PCDH7: variants seen among roughly 807,000 people sequenced by gnomAD.
The protein encoded by PCDH7 is protocadherin 7, also known as protocadherin-7.
In PCDH7, 17 loss-of-function variants were observed where a neutral mutation model predicts 58.9. That is an observed-to-expected ratio of 0.29 (90% confidence interval 0.20 to 0.43). The LOEUF is 0.43. Ranked by LOEUF, PCDH7 falls within the 20% of genes least tolerant of loss-of-function variation. The pLI is 1.00. For missense variants in PCDH7, 1,274 were observed against 1,441.0 expected, an observed-to-expected ratio of 0.88 and a Z score of 1.88; for synonymous variants, 664 against 616.4, an observed-to-expected ratio of 1.08 and a Z score of -1.14.
intron 1 of PCDH7, among the ~76,000 whole-genome samples, chr4:30,834,807 A>C (rs1447371): frequency 1.3e-5 from 2 of 151,694 alleles, no homozygotes; most frequent in Admixed American, 1.3e-4. Context: ...TTATACAGCA[A>C]AATTTTCTGG....
intron 1 of PCDH7, among the ~76,000 whole-genome samples, chr4:30,835,849 G>C (rs1295351778): frequency 6.6e-6 from 1 of 152,100 alleles, no homozygotes; most frequent in East Asian, 1.9e-4. Context: ...GAGGAGGGAG[G>C]CATTAAATTA....
chr4:30,880,868 T>C (rs1028158728), intron 1 of PCDH7, among the ~76,000 whole-genome samples: 1 of 152,192 alleles, frequency 6.6e-6, no homozygotes, highest in African/African-American at 2.4e-5. Context: ...AGGCAGAGTC[T>C]TGTCAGGAGT....
chr4:30,812,149 G>A (rs1289451392), intron 1 of PCDH7, among the ~76,000 whole-genome samples: 2 of 152,078 alleles, frequency 1.3e-5, no homozygotes, highest in African/African-American at 4.8e-5. Flanking sequence ...TTTACAACTA[G>A]ACTATTTAAA....
At chr4:31,021,737 C>T (rs1754035165) in intron 3 of PCDH7, among the ~76,000 whole-genome samples, 1 of 151,870 alleles carries the variant, frequency 6.6e-6, no homozygotes, top group African/African-American at 2.4e-5. Flanking sequence ...TTCTTCAGGT[C>T]CAGAGACACG....
At chr4:31,028,068 A>C (rs1156841013) in intron 3 of PCDH7, among the ~76,000 whole-genome samples, 1 of 152,102 alleles carries the variant, frequency 6.6e-6, no homozygotes, top group African/African-American at 2.4e-5. Context: ...AATTTTTTTT[A>C]ATACAAGAGA....
chr4:31,045,225 G>C (rs1364638412), intron 3 of PCDH7, among the ~76,000 whole-genome samples: 1 of 151,950 alleles, frequency 6.6e-6, no homozygotes. Context: ...TATCTGAAGT[G>C]GAATCTCTGA....
chr4:31,121,480 T>A (rs1461376997), intron 3 of PCDH7, among the ~76,000 whole-genome samples: 11 of 152,240 alleles, frequency 7.2e-5, no homozygotes, highest in Middle Eastern at 3.2e-3. Flanking sequence ...CGATATCCTG[T>A]GCCTTGCTGC....
chr4:31,049,963 T>A (rs1756606314), intron 3 of PCDH7, among the ~76,000 whole-genome samples: 1 of 152,140 alleles, frequency 6.6e-6, no homozygotes, highest in South Asian at 2.1e-4. Context: ...TGAAGTAAAA[T>A]AGTATATTTA....
intron 3 of PCDH7, among the ~76,000 whole-genome samples, chr4:30,950,715 AC>A (rs1420300853): frequency 1.3e-5 from 2 of 152,172 alleles, no homozygotes; most frequent in African/African-American, 4.8e-5. Context: ...AAATCTAAAT[AC>A]CCTACAAAGC....
intron 3 of PCDH7, among the ~76,000 whole-genome samples, chr4:31,068,058 A>AAAG (rs1461764192): frequency 6.6e-6 from 1 of 151,988 alleles, no homozygotes; most frequent in Non-Finnish European, 1.5e-5. Flanking sequence ...ATAATTATAG[A>AAAG]AAGAGACATG....
chr4:30,821,381 C>T (rs1307390074), intron 1 of PCDH7, among the ~76,000 whole-genome samples: 2 of 152,214 alleles, frequency 1.3e-5, no homozygotes, highest in African/African-American at 4.8e-5. Flanking sequence ...GGAAAGGGGT[C>T]ATCCCCATTT....
chr4:31,046,798 T>C (rs1394657802), intron 3 of PCDH7, among the ~76,000 whole-genome samples: 1 of 152,088 alleles, frequency 6.6e-6, no homozygotes, highest in Admixed American at 6.6e-5. Context: ...TCCATCATAT[T>C]AAAGGTTTGG....
At chr4:30,799,914 C>T (rs6822389) in intron 1 of PCDH7, among the ~76,000 whole-genome samples, 17,114 of 150,952 alleles carry the variant, frequency 0.11, 1,243 homozygotes, top group Non-Finnish European at 0.16. Context: ...AGTGCAATGG[C>T]GCAATCTTGG....
chr4:30,795,509 G>T (rs535977275), intron 1 of PCDH7, among the ~76,000 whole-genome samples: 26 of 152,286 alleles, frequency 1.7e-4, no homozygotes, highest in African/African-American at 6.0e-4. Context: ...TTCTAGAATT[G>T]GTCTCAGTGC....
chr4:30,788,466 A>C (rs1195906576), intron 1 of PCDH7, among the ~76,000 whole-genome samples: 2 of 152,058 alleles, frequency 1.3e-5, no homozygotes, highest in Non-Finnish European at 1.5e-5. Flanking sequence ...TTTTGTCCTT[A>C]TTTATGATAC....
At chr4:30,886,891 C>T (rs868592974) in intron 1 of PCDH7, among the ~76,000 whole-genome samples, 1 of 145,584 alleles carries the variant, frequency 6.9e-6, no homozygotes, top group East Asian at 2.1e-4. Context: ...CCAAACACTG[C>T]ATATTCTCAC....
At chr4:30,998,056 A>G (rs1032665770) in intron 3 of PCDH7, among the ~76,000 whole-genome samples, 1 of 152,176 alleles carries the variant, frequency 6.6e-6, no homozygotes, top group African/African-American at 2.4e-5. Flanking sequence ...CTGCCAGGGG[A>G]AGCTTGAGCA....
intron 1 of PCDH7, among the ~76,000 whole-genome samples, chr4:30,747,856 T>C (rs1717974130): frequency 6.6e-6 from 1 of 152,236 alleles, no homozygotes; most frequent in African/African-American, 2.4e-5. Context: ...AACCACCTGT[T>C]ATAAGCCACA....
intron 3 of PCDH7, among the ~76,000 whole-genome samples, chr4:30,984,336 C>T (rs1444039013): frequency 6.6e-6 from 1 of 152,148 alleles, no homozygotes; most frequent in African/African-American, 2.4e-5. Context: ...GAATCTTTGT[C>T]AGCAGAGTGT....
Sources: allele counts gnomAD v4.1 joint callset (sites outside exome capture counted in the v4.1 genomes callset), GRCh38; gene constraint gnomAD v4.1.1; transcripts MANE v1.5; gene names NCBI Gene and HGNC (gene_info 2026-07-23, HGNC 2026-07-21).